The following LRMDA variants were observed in gnomAD, a reference collection of about 807,000 sequenced individuals.
LRMDA encodes the protein leucine rich melanocyte differentiation associated.
A neutral mutation model predicts 29.8 loss-of-function variants in LRMDA; 18 were observed. The observed-to-expected ratio is 0.60, with a 90% CI of 0.42 to 0.90. The LOEUF is 0.90. LRMDA is among the 40% of genes least tolerant of loss of function. LRMDA has a pLI of 0.00. For synonymous variants in LRMDA, 125 were observed against 109.4 expected, an observed-to-expected ratio of 1.14 and a Z score of -0.89; for missense variants, 273 against 273.9, an observed-to-expected ratio of 1.00 and a Z score of 0.02.
At chr10:75,820,882 C>T (rs953403178) in intron 2 of LRMDA, among the ~76,000 whole-genome samples, 1 of 152,090 alleles carries the variant, frequency 6.6e-6, no homozygotes, top group African/African-American at 2.4e-5. Context: ...CTATTGTGAC[C>T]ATCTGTTTAT....
At chr10:76,474,769 G>T (rs539892568) in intron 6 of LRMDA, among the ~76,000 whole-genome samples, 206 of 151,736 alleles carry the variant, frequency 1.4e-3, no homozygotes, top group Non-Finnish European at 2.2e-3. Flanking sequence ...CATTGCTGTT[G>T]AGACTGTAAA....
chr10:76,059,819 G>T (rs1848676229), intron 5 of LRMDA, among the ~76,000 whole-genome samples: 2 of 152,182 alleles, frequency 1.3e-5, no homozygotes, highest in African/African-American at 4.8e-5. Context: ...AATCCATGAG[G>T]TGCAACTTAT....
At chr10:76,041,353 G>A (rs1339529883) in intron 3 of LRMDA, among the ~76,000 whole-genome samples, 3 of 152,154 alleles carry the variant, frequency 2.0e-5, no homozygotes, top group African/African-American at 7.2e-5. Context: ...TTTTCCTCTA[G>A]AAATGCAGTT....
chr10:76,423,708 C>A lies in LRMDA; in HGVS notation c.601+99223C>A, dbSNP rs1184396647. 6.6e-5 allele frequency among the ~76,000 whole-genome samples: 10 copies of A among 152,326 alleles called. 2 individuals are homozygous for A. The highest frequency in any genetic ancestry group is 2.4e-4 in the African/African-American group (10 of 41,568). ...CTGTTTGGTAATAAATTCTAGTCCC[C>A]TTTTGACTTCGATCAAAATCTGATG... is the stretch of plus-strand genomic sequence containing the variant. On this transcript the variant is annotated intron_variant, in intron 6 of 6. Coordinates refer to ENST00000611255, the MANE Select transcript of LRMDA (RefSeq NM_001305581.2).
At chr10:76,173,817 C>T (rs569356061) in intron 5 of LRMDA, among the ~76,000 whole-genome samples, 1 of 152,162 alleles carries the variant, frequency 6.6e-6, no homozygotes, top group African/African-American at 2.4e-5. Flanking sequence ...CGTGCCACCA[C>T]ACTTGGCTAA....
chr10:76,116,768 C>A (rs1849673907), intron 5 of LRMDA, among the ~76,000 whole-genome samples: 1 of 152,112 alleles, frequency 6.6e-6, no homozygotes, highest in South Asian at 2.1e-4. Context: ...GCCATTTTTA[C>A]ATTAAAGGGA....
intron 2 of LRMDA, among the ~76,000 whole-genome samples, chr10:76,010,087 C>T (rs1442273068): frequency 1.3e-5 from 2 of 152,112 alleles, no homozygotes; most frequent in African/African-American, 4.8e-5. Flanking sequence ...CGCCTTTTCT[C>T]GCACAACAGT....
At chr10:75,741,373 C>T (rs1842827399) in intron 2 of LRMDA, among the ~76,000 whole-genome samples, 1 of 152,056 alleles carries the variant, frequency 6.6e-6, no homozygotes, top group Non-Finnish European at 1.5e-5. Context: ...ATGTTGACTC[C>T]TCCTTACCTT....
At chr10:75,865,694 T>C (rs1845006900) in intron 2 of LRMDA, among the ~76,000 whole-genome samples, 1 of 152,226 alleles carries the variant, frequency 6.6e-6, no homozygotes, top group African/African-American at 2.4e-5. Context: ...AAGCCATTAC[T>C]CATTCTAAAA....
At chr10:75,915,345 A>G (rs917826002) in intron 2 of LRMDA, among the ~76,000 whole-genome samples, 7 of 151,986 alleles carry the variant, frequency 4.6e-5, no homozygotes, top group African/African-American at 1.7e-4. Flanking sequence ...CATGTTGGCC[A>G]GGCTTGTCTT....
intron 6 of LRMDA, among the ~76,000 whole-genome samples, chr10:76,450,205 T>C (rs1842392445): frequency 6.6e-6 from 1 of 152,092 alleles, no homozygotes; most frequent in African/African-American, 2.4e-5. Context: ...ATGAACAACT[T>C]GGACATAAAC....
chr10:75,608,127 T>TAC (rs535614457), intron 2 of LRMDA, among the ~76,000 whole-genome samples: 1 of 66,302 alleles, frequency 1.5e-5, no homozygotes. Flanking sequence ...TATATATATA[T>TAC]ATACACACAC....
Position 75,896,177 on chromosome 10 carries a change from A to G in LRMDA, c.132-139831A>G, listed in dbSNP as rs555128905. On this transcript the variant is annotated intron_variant, in intron 2 of 6. Transcript: ENST00000611255. Reference sequence around the variant, plus strand: ...GTTAAAACAGAATAATGAGATCTCTATTTTGGAGAGAGTACTTTGGTGTTA... The same window carrying G: ...GTTAAAACAGAATAATGAGATCTCTGTTTTGGAGAGAGTACTTTGGTGTTA... Among the ~76,000 whole-genome samples, 3 of 152,280 alleles carry G rather than the reference A, an allele frequency of 2.0e-5. No individual in the cohort carries two copies. In the South Asian group the frequency reaches 6.2e-4, roughly 32 times the overall value.
intron 5 of LRMDA, among the ~76,000 whole-genome samples, chr10:76,160,623 C>G (rs1850628493): frequency 6.6e-6 from 1 of 152,050 alleles, no homozygotes; most frequent in Non-Finnish European, 1.5e-5. Flanking sequence ...AGTCTCTATA[C>G]TTACAATTTT....
At chr10:75,754,608 AG>A (rs1284747857) in intron 2 of LRMDA, among the ~76,000 whole-genome samples, 1 of 152,152 alleles carries the variant, frequency 6.6e-6, no homozygotes, top group East Asian at 1.9e-4. Context: ...TTAGTTCACT[AG>A]TAAGTAATGA....
chr10:75,687,053 C>T (rs527620086), intron 2 of LRMDA, among the ~76,000 whole-genome samples: 23 of 152,254 alleles, frequency 1.5e-4, no homozygotes, highest in Middle Eastern at 6.8e-3. Context: ...CCCATTCTCC[C>T]ATCCCTGTCC....
At chr10:76,183,265 C>T (rs544983195) in intron 5 of LRMDA, among the ~76,000 whole-genome samples, 52 of 152,318 alleles carry the variant, frequency 3.4e-4, no homozygotes, top group African/African-American at 1.2e-3. Context: ...ACAAAGGCCA[C>T]AGCAGGCTGG....
At chr10:76,368,282 G>A (rs1049062449) in intron 6 of LRMDA, among the ~76,000 whole-genome samples, 2 of 152,014 alleles carry the variant, frequency 1.3e-5, no homozygotes, top group Non-Finnish European at 2.9e-5. Flanking sequence ...TATCCCAGAG[G>A]TTTCAATAGG....
intron 2 of LRMDA, among the ~76,000 whole-genome samples, chr10:75,795,285 G>T (rs1181279473): frequency 1.3e-5 from 2 of 152,108 alleles, no homozygotes; most frequent in African/African-American, 4.8e-5. Context: ...TCTCAGTTAT[G>T]CAGAAGGCTG....
Sources: gnomAD v4.1 joint callset for allele counts (sites outside exome capture counted in the v4.1 genomes callset) on GRCh38, gnomAD v4.1.1 for gene constraint, MANE v1.5 for transcripts, NCBI Gene and HGNC (gene_info 2026-07-23, HGNC 2026-07-21) for gene names.